Variants in RXRA observed in about 807,000 individuals in gnomAD.
RXRA encodes the protein retinoic acid receptor RXR-alpha.
Under a neutral mutation model 44.5 loss-of-function variants are expected in RXRA, and 5 were observed. The ratio of observed to expected loss-of-function variants is 0.11; its 90% CI spans 0.06 to 0.24. The LOEUF (loss-of-function observed/expected upper bound fraction) is 0.24. Among genes scored for constraint, RXRA ranks in the 10% least tolerant of loss-of-function variants. The pLI is 1.00. For missense variants in RXRA, 412 were observed against 646.5 expected (o/e 0.64, Z 3.93); for synonymous variants, 291 against 271.4 (o/e 1.07, Z -0.71).
At chr9:134,424,625 G>C (rs1831403498) in intron 6 of RXRA, 1 of 985,344 alleles carries the variant, frequency 1.0e-6, no homozygotes, top group South Asian at 4.7e-5. Flanking sequence ...TCACCCATCA[G>C]GTGGTCTCCC....
Position 134,375,830 on chromosome 9 carries a change from G to T in RXRA, c.29-25802G>T, listed in dbSNP as rs532205930. Among the ~76,000 whole-genome samples the T allele has an allele frequency of 2.4e-3, 365 of 152,130 alleles. 2 individuals carry two copies. The highest frequency in any genetic ancestry group is 8.4e-3 in the African/African-American group (350 of 41,486). ...TGTGAGAGTTTGTGTTAGTGGCTGGGGGATGCTGAGATTCTGTAAAACACT... is the reference window on the plus strand; with the variant it reads ...TGTGAGAGTTTGTGTTAGTGGCTGGTGGATGCTGAGATTCTGTAAAACACT... On this transcript the variant is annotated intron_variant, in intron 1 of 9. Coordinates refer to ENST00000481739, the MANE Select transcript of RXRA (RefSeq NM_002957.6).
Position 134,431,909 on chromosome 9 carries a change from C to T in RXRA, c.1048C>T (p.Leu350=), listed in dbSNP as rs1831538289. ...AGVGAIFDRV[L]TELVSKMRDM... Reference sequence around the variant, plus strand: ...GTCTGCCCTCCTCCTCTGCAGGGTGCTGACGGAGCTTGTGTCCAAGATGCG... The same window carrying T: ...GTCTGCCCTCCTCCTCTGCAGGGTGTTGACGGAGCTTGTGTCCAAGATGCG... Residue 350 remains leucine, a synonymous_variant, in exon 8 of 10, where the codon CTG becomes TTG. Coordinates refer to ENST00000481739, the MANE Select transcript of RXRA (RefSeq NM_002957.6). 1.2e-6 allele frequency: 2 copies of T among 1,613,258 alleles called. No homozygotes were observed. The highest frequency in any genetic ancestry group is 2.2e-5 in the East Asian group (1 of 44,866).
chr9:134,357,092 G>A lies in RXRA; in HGVS notation c.28+30433G>A, dbSNP rs533968624. On this transcript the variant is annotated intron_variant, in intron 1 of 9. Transcript: ENST00000481739. The stretch of plus-strand genomic sequence containing the variant: ...AAAAATCCACCCCCAAACCCACCCA[G>A]CCCACACCCTGAATCTCCTTATCTG... 1.2e-4 allele frequency among the ~76,000 whole-genome samples: 18 copies of A among 150,032 alleles called. No individual in the cohort carries two copies. The East Asian group carries it at 3.1e-3, about 25-fold the overall frequency.
At chr9:134,344,147 C>T (rs1830120547) in intron 1 of RXRA, among the ~76,000 whole-genome samples, 2 of 152,326 alleles carry the variant, frequency 1.3e-5, no homozygotes, top group African/African-American at 2.4e-5. Context: ...AAGCTGGCCC[C>T]AGGAACCTGG....
rs1834912965 is a variant in RXRA, at chr9:134,326,554, C to T, written c.-78C>T. The T allele has an allele frequency of 6.3e-6, 2 of 317,220 alleles. No individual in the cohort carries two copies. Among genetic ancestry groups the T allele is most frequent in the Non-Finnish European group, 8.9e-6 (2 of 224,044 alleles). The allele number at this position is 317,220 out of a possible 1,614,324, so 19.7% of individuals were successfully genotyped here. A position where few individuals can be genotyped will look rare whatever the true frequency, so the allele number is the denominator to read the frequency against. On this transcript the variant is annotated 5_prime_UTR_variant, in exon 1 of 10. Transcript: ENST00000481739. ...CCGCCGGCTCCCCGCCGCCCGGGCCCGGGCCGGCCGCGCCGGGGGCCGCCG... is the reference window on the plus strand; with the variant it reads ...CCGCCGGCTCCCCGCCGCCCGGGCCTGGGCCGGCCGCGCCGGGGGCCGCCG...
In RXRA at chr9:134,366,111, C is replaced by T. The variant is rs1830411794; in HGVS notation, c.29-35521C>T. ...CCTCAGTAACAACCTGGGAGCGGTG[C>T]TGTCCCTGGGTACAGATGAGAAGCC... On this transcript the variant is annotated intron_variant, in intron 1 of 9. Transcript: ENST00000481739. This position sits in a 1 kb window ranked among gnomAD's most constrained non-coding sequence, Gnocchi z 5.9. Among the ~76,000 whole-genome samples, 1 of 152,158 alleles carries T rather than the reference C, an allele frequency of 6.6e-6. No individual in the cohort carries two copies. Among genetic ancestry groups the T allele is most frequent in the Non-Finnish European group, 1.5e-5 (1 of 68,020 alleles).
intron 1 of RXRA, among the ~76,000 whole-genome samples, chr9:134,396,541 G>A (rs1212188526): frequency 6.6e-6 from 1 of 152,074 alleles, no homozygotes; most frequent in Non-Finnish European, 1.5e-5. Context: ...GGTGGCATAG[G>A]GTTGCAGGGA....
rs143473897 is a variant in RXRA, at chr9:134,385,885, G to A, written c.29-15747G>A. Among the ~76,000 whole-genome samples the A allele has an allele frequency of 4.5e-3, 684 of 152,368 alleles. 1 individual carries two copies. The highest frequency in any genetic ancestry group is 7.3e-3 in the Admixed American group (112 of 15,312). On this transcript the variant is annotated intron_variant, in intron 1 of 9. Coordinates refer to ENST00000481739, the MANE Select transcript of RXRA (RefSeq NM_002957.6). ...GGATTTGAACTTGGGGCTGCCCAAC[G>A]TCCGGGCCTTGCCCTTGTCCTCTGC... is the stretch of plus-strand genomic sequence containing the variant.
rs939039836 is a variant in RXRA at position 134,393,641 on chromosome 9, CAG to C, written c.29-7990_29-7989del. Among the ~76,000 whole-genome samples, 25 of 152,206 alleles carry C rather than the reference CAG, an allele frequency of 1.6e-4. 1 individual carries two copies. The highest frequency in any genetic ancestry group is 1.5e-5 in the Non-Finnish European group (1 of 68,034). On this transcript the variant is annotated intron_variant, in intron 1 of 9. Transcript: ENST00000481739. Reference sequence around the variant, plus strand: ...GCCGCAGCTCCCATGGTGGGCTTCTCAGGGGAGTAGGCATGACAGGGTGGGGT... The same window carrying C: ...GCCGCAGCTCCCATGGTGGGCTTCTCGGGAGTAGGCATGACAGGGTGGGGT...
intron 1 of RXRA, among the ~76,000 whole-genome samples, chr9:134,339,582 T>G (rs562695698): frequency 6.7e-6 from 1 of 149,898 alleles, no homozygotes; most frequent in South Asian, 2.1e-4. Context: ...TTTGTGAGCC[T>G]GTGTGTGTGA....
At position 134,343,987 on chromosome 9, in the gene RXRA, C is replaced by T. The variant is rs1188229915; in HGVS notation, c.28+17328C>T. ...CAGGATGCAGCCCTTCCTCATGGGG[C>T]CTGGTCCTGCTGAGGTTCCCGGGGG... On this transcript the variant is annotated intron_variant, in intron 1 of 9. Transcript: ENST00000481739. This position sits in a 1 kb window ranked among gnomAD's most constrained non-coding sequence, Gnocchi z 4.1. Among the ~76,000 whole-genome samples the T allele has an allele frequency of 2.0e-5, 3 of 151,688 alleles. No individual in the cohort carries two copies. The highest frequency in any genetic ancestry group is 2.9e-5 in the Non-Finnish European group (2 of 67,948).
intron 1 of RXRA, among the ~76,000 whole-genome samples, chr9:134,332,360 C>T (rs1170266040): frequency 3.3e-5 from 5 of 152,208 alleles, no homozygotes; most frequent in African/African-American, 1.2e-4. Flanking sequence ...CCAGCACACG[C>T]GGCCCACCCC....
chr9:134,382,263 T>G (rs1830657842), intron 1 of RXRA, among the ~76,000 whole-genome samples: 1 of 148,974 alleles, frequency 6.7e-6, no homozygotes, highest in South Asian at 2.1e-4. Flanking sequence ...GGAAGAGGTT[T>G]GGGTGGTGTG....
Position 134,378,715 on chromosome 9 carries a change from C to A in RXRA, c.29-22917C>A, listed in dbSNP as rs76353258. On this transcript the variant is annotated intron_variant, in intron 1 of 9. Coordinates refer to ENST00000481739, the MANE Select transcript of RXRA (RefSeq NM_002957.6). ...GAGCTCTGACCCTGGGCAGCGCGTG[C>A]CGTCCGGTTGCTCCCAAAGGCAGCC... Among the ~76,000 whole-genome samples, 90 of 152,296 alleles carry A rather than the reference C, an allele frequency of 5.9e-4. No individual in the cohort carries two copies. The East Asian group carries it at 0.016, about 28-fold the overall frequency.
chr9:134,330,493 A>G (rs1564256551), intron 1 of RXRA, among the ~76,000 whole-genome samples: 1 of 152,138 alleles, frequency 6.6e-6, no homozygotes, highest in Non-Finnish European at 1.5e-5. Context: ...TCTTAAGCTG[A>G]TCAGTTTCAG....
At chr9:134,331,155 C>T (rs1554746575) in intron 1 of RXRA, among the ~76,000 whole-genome samples, 1 of 152,178 alleles carries the variant, frequency 6.6e-6, no homozygotes, top group Non-Finnish European at 1.5e-5. Context: ...GCCCCTGTGC[C>T]ACTCCAGGGA....
At chr9:134,422,632 C>CCCT (rs1341585017) in intron 6 of RXRA, 1 of 919,500 alleles carries the variant, frequency 1.1e-6, no homozygotes, top group Non-Finnish European at 1.3e-6. Context: ...CGGGACACTC[C>CCCT]CCTCTCCCCG....
intron 1 of RXRA, among the ~76,000 whole-genome samples, chr9:134,337,075 A>C (rs951861852): frequency 6.6e-6 from 1 of 152,154 alleles, no homozygotes; most frequent in Non-Finnish European, 1.5e-5. Context: ...AGCAGTGCTC[A>C]GCGTGTTGGA....
chr9:134,425,166 G>T (rs1192363476), intron 6 of RXRA: 1 of 985,308 alleles, frequency 1.0e-6, no homozygotes, highest in Non-Finnish European at 1.2e-6. Context: ...CAGCCCTGCA[G>T]GGGCCCAGAA....
Sources: allele counts gnomAD v4.1 joint callset (sites outside exome capture counted in the v4.1 genomes callset), GRCh38; gene constraint gnomAD v4.1.1; non-coding constraint Gnocchi (gnomAD v3.1); transcripts MANE v1.5; gene names NCBI Gene and HGNC (gene_info 2026-07-23, HGNC 2026-07-21).